LPCAT1: variants seen among roughly 807,000 people sequenced by gnomAD.
The protein encoded by LPCAT1 is lysophosphatidylcholine acyltransferase 1, also known as 1-acylglycerol-3-phosphate O-acyltransferase.
Under a neutral mutation model 60.9 loss-of-function variants are expected in LPCAT1, and 23 were observed. The observed-to-expected ratio is 0.38, with a 90% CI of 0.27 to 0.53. LPCAT1 has a LOEUF of 0.53. Among genes scored for constraint, LPCAT1 ranks in the 20% least tolerant of loss-of-function variants. LPCAT1 has a pLI of 0.82. For synonymous variants in LPCAT1, 340 were observed against 301.1 expected (o/e 1.13, Z -1.34); for missense variants, 622 against 723.6 (o/e 0.86, Z 1.61).
chr5:1,481,006 A>G lies in LPCAT1; in HGVS notation c.727-30T>C, dbSNP rs1324267437. The G allele has an allele frequency of 6.2e-7, 1 of 1,613,098 alleles. No individual in the cohort carries two copies. The highest frequency in any genetic ancestry group is 1.3e-5 in the African/African-American group (1 of 74,896). ...GGAGGAAGAGGCAGGGTCAGTCAGC[A>G]TGGGGCCTGCACCCAGGGCCTGCAC... On this transcript the variant is annotated intron_variant, in intron 6 of 13. Coordinates refer to ENST00000283415, the MANE Select transcript of LPCAT1 (RefSeq NM_024830.5). The surrounding 1 kb of genome is among the most constrained non-coding windows in gnomAD (Gnocchi z 7.8).
intron 1 of LPCAT1, among the ~76,000 whole-genome samples, chr5:1,504,177 C>T (rs1169152420): frequency 6.6e-6 from 1 of 152,240 alleles, no homozygotes; most frequent in Non-Finnish European, 1.5e-5. Context: ...CACAGCTCCC[C>T]CTAAGGACCA....
chr5:1,462,849 G>A lies in LPCAT1; in HGVS notation c.*802C>T, dbSNP rs1734159526. ...ACTGCCAACGTTTATAAAAAAAGAG[G>A]GGACTGGAAAAGGATTAAGAAAAGC... On this transcript the variant is annotated 3_prime_UTR_variant, in exon 14 of 14. Transcript: ENST00000283415. The A allele has an allele frequency of 6.6e-6, 1 of 152,156 alleles. No homozygotes were observed. Among genetic ancestry groups the A allele is most frequent in the Non-Finnish European group, 1.5e-5 (1 of 68,040 alleles). 9.4% of individuals were successfully genotyped at this position (152,156 alleles called of 1,614,324 possible).
Position 1,462,809 on chromosome 5 carries a change from A to C in LPCAT1, c.*842T>G, listed in dbSNP as rs1734157621. The C allele has an allele frequency of 6.6e-6, 1 of 152,202 alleles. No homozygotes were observed. Among genetic ancestry groups the C allele is most frequent in the Non-Finnish European group, 1.5e-5 (1 of 68,038 alleles). 9.4% of individuals were successfully genotyped at this position (152,202 alleles called of 1,614,324 possible). On this transcript the variant is annotated 3_prime_UTR_variant, in exon 14 of 14. Coordinates refer to ENST00000283415, the MANE Select transcript of LPCAT1 (RefSeq NM_024830.5). ...CAGTGAAATGGATTACGTTATGCCG[A>C]AACAGAAACATCAAACTGCCAACGT...
chr5:1,515,083 C>T (rs1032084208), intron 1 of LPCAT1, among the ~76,000 whole-genome samples: 4 of 151,752 alleles, frequency 2.6e-5, no homozygotes, highest in Non-Finnish European at 5.9e-5. Flanking sequence ...GCACATCCTG[C>T]ATCAGGGGAT....
rs998741492 is a variant in LPCAT1, at chr5:1,480,589, G to C, written c.761+353C>G. On this transcript the variant is annotated intron_variant, in intron 7 of 13. Transcript: ENST00000283415. The surrounding 1 kb of genome is among the most constrained non-coding windows in gnomAD (Gnocchi z 6.4). ...TCCCACCCAGCACTACTCAGTCTCT[G>C]TGCCTGTGCAGACGGGGTCCCCCCA... Among the ~76,000 whole-genome samples, 5 of 152,200 alleles carry C rather than the reference G, an allele frequency of 3.3e-5. No individual in the cohort carries two copies. Among genetic ancestry groups the C allele is most frequent in the Admixed American group, 6.5e-5 (1 of 15,286 alleles).
chr5:1,463,157 G>A lies in LPCAT1; in HGVS notation c.*494C>T, dbSNP rs190375837. On this transcript the variant is annotated 3_prime_UTR_variant, in exon 14 of 14. Transcript: ENST00000283415. The stretch of plus-strand genomic sequence containing the variant: ...AAATACTCATGAGCTCCAGCACACA[G>A]GTAGAAACACTGAAAAATCAGGTGA... The A allele has an allele frequency of 1.3e-5, 2 of 155,696 alleles. No individual in the cohort carries two copies. 9.6% of individuals were successfully genotyped at this position (155,696 alleles called of 1,614,324 possible).
chr5:1,518,379 C>A (rs115960372), intron 1 of LPCAT1, among the ~76,000 whole-genome samples: 1 of 152,166 alleles, frequency 6.6e-6, no homozygotes, highest in Non-Finnish European at 1.5e-5. Flanking sequence ...CCGGCTCTGT[C>A]GCCCAGGCTG....
At chr5:1,507,449 A>G (rs1160431061) in intron 1 of LPCAT1, among the ~76,000 whole-genome samples, 1 of 152,272 alleles carries the variant, frequency 6.6e-6, no homozygotes, top group Admixed American at 6.5e-5. Flanking sequence ...GCGTCCAGGC[A>G]GTGACCTGCC....
chr5:1,515,857 T>G (rs1000929879), intron 1 of LPCAT1, among the ~76,000 whole-genome samples: 1 of 151,952 alleles, frequency 6.6e-6, no homozygotes, highest in Non-Finnish European at 1.5e-5. Flanking sequence ...CCTGGCCCTG[T>G]CCCTGGCTAT....
In LPCAT1 at chr5:1,488,312, C is replaced by T. The variant is rs188048028; in HGVS notation, c.667+79G>A. 222 of 890,480 alleles carry T rather than the reference C, an allele frequency of 2.5e-4. 1 individual carries two copies. The African/African-American group carries it at 3.1e-3, about 12-fold the overall frequency. 55.2% of individuals were successfully genotyped at this position (890,480 alleles called of 1,614,324 possible). On this transcript the variant is annotated intron_variant, in intron 5 of 13. Transcript: ENST00000283415. ...AAAACAGAAACTGTTCTTATGTGCA[C>T]AGCACATTATTAAAAAACATCTCTT...
intron 1 of LPCAT1, among the ~76,000 whole-genome samples, chr5:1,520,726 T>A (rs1381437363): frequency 6.6e-6 from 1 of 150,858 alleles, no homozygotes; most frequent in African/African-American, 2.4e-5. Flanking sequence ...AGCCGGGCAT[T>A]GTGGCGGGCG....
At chr5:1,508,434 C>T (rs186347689) in intron 1 of LPCAT1, among the ~76,000 whole-genome samples, 63 of 152,260 alleles carry the variant, frequency 4.1e-4, no homozygotes, top group Non-Finnish European at 9.0e-4. Context: ...CCTGAGCCAA[C>T]CTGCCTGGTG....
At position 1,483,791 on chromosome 5, in the gene LPCAT1, CG is replaced by C. The variant is rs1560967262; in HGVS notation, c.668-306del. 6.6e-6 allele frequency among the ~76,000 whole-genome samples: 1 copy of C among 150,526 alleles called. No individual in the cohort carries two copies. The highest frequency in any genetic ancestry group is 1.5e-5 in the Non-Finnish European group (1 of 67,860). On this transcript the variant is annotated intron_variant, in intron 5 of 13. Transcript: ENST00000283415. The surrounding 1 kb of genome is among the most constrained non-coding windows in gnomAD (Gnocchi z 9.2). ...ACACTTGCTATTATAACATTGCGCACGAGCTGGAAGACATCCGTGGAGGGAC... is the reference window on the plus strand; with the variant it reads ...ACACTTGCTATTATAACATTGCGCACAGCTGGAAGACATCCGTGGAGGGAC...
intron 2 of LPCAT1, among the ~76,000 whole-genome samples, chr5:1,498,788 A>T (rs1009959604): frequency 2.6e-5 from 4 of 152,188 alleles, no homozygotes; most frequent in African/African-American, 9.7e-5. Flanking sequence ...CACAGCACAC[A>T]CATATACACA....
At chr5:1,467,999 T>G (rs1734503299) in intron 12 of LPCAT1, among the ~76,000 whole-genome samples, 1 of 151,462 alleles carries the variant, frequency 6.6e-6, no homozygotes, top group Non-Finnish European at 1.5e-5. Flanking sequence ...CTCCGAGAAG[T>G]GGGCTGCCTG....
chr5:1,494,680 A>T lies in LPCAT1; in HGVS notation c.493+20T>A, dbSNP rs1247361489. On this transcript the variant is annotated intron_variant, in intron 3 of 13. Coordinates refer to ENST00000283415, the MANE Select transcript of LPCAT1 (RefSeq NM_024830.5). ...CAGCAGGGCAGGGTCCCTCACTCCC[A>T]GCAGGGGTGTCTCACTCACTTCCCC... 1.2e-6 allele frequency: 2 copies of T among 1,609,058 alleles called. No homozygotes were observed. The highest frequency in any genetic ancestry group is 1.7e-6 in the Non-Finnish European group (2 of 1,175,408).
At chr5:1,494,096 T>C (rs1735688182) in intron 3 of LPCAT1, among the ~76,000 whole-genome samples, 1 of 152,036 alleles carries the variant, frequency 6.6e-6, no homozygotes, top group Admixed American at 6.5e-5. Context: ...TCTGCTGGAG[T>C]GAGCCCCCGG....
At position 1,487,052 on chromosome 5, in the gene LPCAT1, G is replaced by A. The variant is rs753404454; in HGVS notation, c.667+1339C>T. Among the ~76,000 whole-genome samples, 4 of 152,184 alleles carry A rather than the reference G, an allele frequency of 2.6e-5. No individual in the cohort carries two copies. Among genetic ancestry groups the A allele is most frequent in the East Asian group, 1.9e-4 (1 of 5,186 alleles). On this transcript the variant is annotated intron_variant, in intron 5 of 13. Transcript: ENST00000283415. This position sits in a 1 kb window ranked among gnomAD's most constrained non-coding sequence, Gnocchi z 6.1. ...GGCCGCCAGCTCCAAAGGGCAAGGCGATGGCCCTCCCCAGGGGCCTCCCTG... is the reference window on the plus strand; with the variant it reads ...GGCCGCCAGCTCCAAAGGGCAAGGCAATGGCCCTCCCCAGGGGCCTCCCTG...
rs1337780098 is a variant in LPCAT1 at position 1,494,879 on chromosome 5, G to A, written c.314C>T (p.Thr105Ile). ...GTGGAAGCCGCCGGCGAACCACATGGTGCGCATGATGGCCTTCAGCAGGAA... is the reference window on the plus strand; with the variant it reads ...GTGGAAGCCGCCGGCGAACCACATGATGCGCATGATGGCCTTCAGCAGGAA... ...VDFLLKAIMR[T>I]MWFAGGFHRV... The change falls in exon 3 of 14, where the codon ACC becomes ATC. Residue 105 changes from threonine to isoleucine, a missense_variant. This residue lies in a region of LPCAT1 where 209 missense variants were observed against 325.5 expected (regional missense o/e 0.64). Coordinates refer to ENST00000283415, the MANE Select transcript of LPCAT1 (RefSeq NM_024830.5). 1 of 1,612,872 alleles carries A rather than the reference G, an allele frequency of 6.2e-7. No individual in the cohort carries two copies.
Sources: gnomAD v4.1 joint callset for allele counts (sites outside exome capture counted in the v4.1 genomes callset) on GRCh38, gnomAD v4.1.1 for gene constraint, gnomAD v4.1.1 regional missense constraint, Gnocchi (gnomAD v3.1) non-coding constraint, MANE v1.5 for transcripts, NCBI Gene and HGNC (gene_info 2026-07-23, HGNC 2026-07-21) for gene names.